The following TMEM68 variants were observed in gnomAD, a reference collection of about 807,000 sequenced individuals.
TMEM68 encodes transmembrane protein 68.
In TMEM68, 25 loss-of-function variants were observed where a neutral mutation model predicts 36.9. That is an observed-to-expected ratio of 0.68 (90% confidence interval 0.49 to 0.95). TMEM68 has a LOEUF of 0.95. Among genes scored for constraint, TMEM68 ranks in the 40% least tolerant of loss-of-function variants. The probability of loss-of-function intolerance (pLI) is 0.00; values close to 1 mark genes in which losing one functional copy is unlikely to be tolerated. For synonymous variants in TMEM68, 131 were observed against 124.4 expected, an observed-to-expected ratio of 1.05 and a Z score of -0.35; for missense variants, 333 against 392.0, an observed-to-expected ratio of 0.85 and a Z score of 1.27.
At chr8:55,761,631 G>C (rs1342763525) in intron 3 of TMEM68, 1 of 152,162 alleles carries the variant, frequency 6.6e-6, no homozygotes, top group East Asian at 1.9e-4. Context: ...GAGATTTAAA[G>C]CAGTTAATTT....
chr8:55,767,536 G>T (rs1811009977), intron 1 of TMEM68, among the ~76,000 whole-genome samples: 1 of 152,144 alleles, frequency 6.6e-6, no homozygotes, highest in Admixed American at 6.5e-5. Context: ...GGAGGATACA[G>T]GGTATAAGTG....
intron 4 of TMEM68, among the ~76,000 whole-genome samples, chr8:55,754,703 T>TACTTATATATATATTATATATAAAATAC (rs2129967109): frequency 7.9e-6 from 1 of 127,210 alleles, no homozygotes; most frequent in East Asian, 2.0e-4. Flanking sequence ...ATGAAATACA[T>TACTTATATATATATTATATATAAAATAC]ACTTATATAT....
chr8:55,746,303 G>A (rs531740704), intron 5 of TMEM68: 8 of 98,712 alleles, frequency 8.1e-5, no homozygotes, highest in South Asian at 3.7e-4. Context: ...GCAATAGAGC[G>A]AGACACTGTC....
At chr8:55,745,259 A>G (rs1366329742) in intron 5 of TMEM68, 138 bp from the exon 6 acceptor site, 1 of 435,766 alleles carries the variant, frequency 2.3e-6, no homozygotes, top group Non-Finnish European at 4.0e-6. Context: ...AACATGCCCA[A>G]TCTCGTCTGA....
intron 4 of TMEM68, among the ~76,000 whole-genome samples, chr8:55,754,188 G>A (rs1481621991): frequency 1.3e-5 from 2 of 149,300 alleles, no homozygotes; most frequent in Non-Finnish European, 3.0e-5. Flanking sequence ...CACTTTGGGA[G>A]GGTGAGGCGG....
At chr8:55,763,149 T>C (rs1332211379) in intron 2 of TMEM68, 121 bp from the exon 3 acceptor site, 2 of 495,474 alleles carry the variant, frequency 4.0e-6, no homozygotes, top group Non-Finnish European at 6.7e-6. Flanking sequence ...TGGTTAATGG[T>C]TAACTTTGTT....
At chr8:55,753,866 C>T (rs1254828552) in intron 4 of TMEM68, among the ~76,000 whole-genome samples, 6 of 151,858 alleles carry the variant, frequency 4.0e-5, no homozygotes, top group Admixed American at 2.6e-4. Context: ...CCAAGGCGGG[C>T]GGATCACCTG....
intron 5 of TMEM68, among the ~76,000 whole-genome samples, chr8:55,748,645 C>T (rs1005120413): frequency 8.6e-5 from 13 of 152,044 alleles, no homozygotes; most frequent in Non-Finnish European, 1.0e-4. Flanking sequence ...GCCTTACTGT[C>T]GCCCAAGCTG....
Position 55,750,982 on chromosome 8 carries a change from A to G in TMEM68, c.669T>C (p.Val223=). ...AACTCACCACTTTTGCATCAATTGCAACCTGAGCAAAGCCTCTGCGATGAC... is the reference window on the plus strand; with the variant it reads ...AACTCACCACTTTTGCATCAATTGCGACCTGAGCAAAGCCTCTGCGATGAC... ...VWGHRRGFAQ[V]AIDAKVPIIP... Residue 223 remains valine (V), a synonymous_variant, in exon 5 of 8, where the codon GTT becomes GTC. Transcript: ENST00000434581. 6.2e-7 allele frequency: 1 copy of G among 1,607,612 alleles called. No homozygotes were observed. Among genetic ancestry groups the G allele is most frequent in the Non-Finnish European group, 8.5e-7 (1 of 1,178,642 alleles).
intron 3 of TMEM68, among the ~76,000 whole-genome samples, chr8:55,760,357 G>A (rs540341335): frequency 3.2e-4 from 49 of 152,246 alleles, no homozygotes; most frequent in African/African-American, 1.0e-3. Flanking sequence ...CAGCCTCCAC[G>A]GGTCCTGGCA....
At chr8:55,753,381 A>C (rs2129958135) in intron 4 of TMEM68, among the ~76,000 whole-genome samples, 1 of 152,364 alleles carries the variant, frequency 6.6e-6, no homozygotes, top group East Asian at 1.9e-4. Flanking sequence ...CTGTAAGTAA[A>C]AAAATGAAGT....
intron 1 of TMEM68, among the ~76,000 whole-genome samples, chr8:55,769,432 G>T (rs1384276521): frequency 6.6e-6 from 1 of 151,540 alleles, no homozygotes; most frequent in East Asian, 1.9e-4. Context: ...ATAATTGTTA[G>T]AGCTCTGTCC....
At chr8:55,766,564 G>A (rs528267272) in intron 1 of TMEM68, among the ~76,000 whole-genome samples, 1 of 152,114 alleles carries the variant, frequency 6.6e-6, no homozygotes, top group African/African-American at 2.4e-5. Flanking sequence ...TTTCAGTAGA[G>A]ACAGGGTTTC....
rs1554556017 is a variant in TMEM68, at chr8:55,769,018, T to TTTAAAA, written c.-115+4250_-115+4251insTTTTAA. ...GTGAAAGAGCAAGAGACTCTGTCTT[T>TTTAAAA]AAAAAAAAAAAAAAAAAAAAAAAGG... On this transcript the variant is annotated intron_variant, in intron 1 of 7. Transcript: ENST00000434581. Among the ~76,000 whole-genome samples, 146 of 82,086 alleles carry TTTAAAA rather than the reference T, an allele frequency of 1.8e-3. 2 individuals are homozygous for TTTAAAA. Among genetic ancestry groups the TTTAAAA allele is most frequent in the African/African-American group, 6.5e-3 (131 of 20,126 alleles). 53.9% of individuals were successfully genotyped at this position (82,086 alleles called of 152,430 possible). A position where few individuals can be genotyped will look rare whatever the true frequency, so the allele number is the denominator to read the frequency against.
intron 3 of TMEM68, among the ~76,000 whole-genome samples, chr8:55,757,448 T>C (rs1810640615): frequency 6.6e-6 from 1 of 152,186 alleles, no homozygotes; most frequent in East Asian, 1.9e-4. Context: ...CCTCAGTGTG[T>C]GCTCACAAGA....
chr8:55,754,848 AT>A (rs1285783265), intron 4 of TMEM68, among the ~76,000 whole-genome samples: 7 of 132,044 alleles, frequency 5.3e-5, no homozygotes, highest in Middle Eastern at 3.8e-3. Context: ...TGTAATATAT[AT>A]TTATATTATA....
At chr8:55,740,967 C>T (rs1378132651) in intron 7 of TMEM68, among the ~76,000 whole-genome samples, 1 of 152,204 alleles carries the variant, frequency 6.6e-6, no homozygotes, top group East Asian at 1.9e-4. Context: ...GGCGTGGTGG[C>T]TCACACCTGT....
chr8:55,738,769 ATTGT>A lies in TMEM68; in HGVS notation c.*1359_*1362del, dbSNP rs896250800. Reference sequence around the variant, plus strand: ...AACTGCAACTCAGGTTTATTTTCACATTGTTTAATTTTATGTACATTTCACATAT... The same window carrying A: ...AACTGCAACTCAGGTTTATTTTCACATTAATTTTATGTACATTTCACATAT... On this transcript the variant is annotated 3_prime_UTR_variant, in exon 8 of 8. Transcript: ENST00000434581. The A allele has an allele frequency of 4.1e-4, 62 of 152,620 alleles. No homozygotes were observed. Among genetic ancestry groups the A allele is most frequent in the African/African-American group, 1.5e-3 (62 of 41,578 alleles). The allele number at this position is 152,620 out of a possible 1,614,324, so 9.5% of individuals were successfully genotyped here.
intron 4 of TMEM68, among the ~76,000 whole-genome samples, chr8:55,754,949 A>ATT (rs1719967888): frequency 1.1e-3 from 4 of 3,480 alleles, no homozygotes; most frequent in African/African-American, 1.9e-3. Flanking sequence ...ATTTATACAC[A>ATT]CACACACACA....
Sources: allele counts gnomAD v4.1 joint callset (sites outside exome capture counted in the v4.1 genomes callset), GRCh38; gene constraint gnomAD v4.1.1; transcripts MANE v1.5; gene names NCBI Gene and HGNC (gene_info 2026-07-23, HGNC 2026-07-21).